The following HERC1 variants were observed in gnomAD, a reference collection of about 807,000 sequenced individuals.
HERC1 encodes HECT and RLD domain containing E3 ubiquitin protein ligase family member 1, also known as probable E3 ubiquitin-protein ligase HERC1.
In HERC1, 160 loss-of-function variants were observed where a neutral mutation model predicts 554.3. That is an observed-to-expected ratio of 0.29 (90% CI 0.25 to 0.33). The LOEUF (loss-of-function observed/expected upper bound fraction) is 0.33, where lower values mean the gene tolerates loss of function less well. Among genes scored for constraint, HERC1 ranks in the 10% least tolerant of loss-of-function variants. The pLI is 1.00. For synonymous variants in HERC1, 2,175 were observed against 2,131.7 expected (o/e 1.02, Z -0.56); for missense variants, 4,919 against 5,918.5 (o/e 0.83, Z 5.54).
intron 1 of HERC1, among the ~76,000 whole-genome samples, chr15:63,789,475 G>C (rs1430129765): frequency 6.6e-6 from 1 of 151,920 alleles, no homozygotes; most frequent in Non-Finnish European, 1.5e-5. Context: ...TAGAATATAA[G>C]AGTGCCCACT....
intron 53 of HERC1, among the ~76,000 whole-genome samples, chr15:63,650,338 C>A (rs776113914): frequency 2.0e-5 from 3 of 152,090 alleles, no homozygotes; most frequent in Non-Finnish European, 2.9e-5. Context: ...CACGCCACTG[C>A]ACTCCAGCCT....
intron 12 of HERC1, among the ~76,000 whole-genome samples, chr15:63,736,052 C>G (rs1430756183): frequency 6.6e-6 from 1 of 152,032 alleles, no homozygotes; most frequent in Non-Finnish European, 1.5e-5. Context: ...CAAAAAGACC[C>G]CCCTCCCCAG....
At position 63,713,446 on chromosome 15, in the gene HERC1, C is replaced by A. The variant is rs375324400; in HGVS notation, c.4370G>T (p.Ser1457Ile). The A allele has an allele frequency of 1.9e-6, 3 of 1,613,902 alleles. No individual in the cohort carries two copies. Among genetic ancestry groups the A allele is most frequent in the Non-Finnish European group, 2.5e-6 (3 of 1,179,902 alleles). ...CTTCTGAAGCTCATCTATCACAGGA[C>A]TTACTCCTAATATTAACAGGGCACA... The part of the protein sequence containing the change: ...HRCALLILGV[S>I]PVIDELQKRR... The change falls in exon 23 of 78, where the codon AGT becomes ATT. Residue 1457 changes from serine to isoleucine, a missense_variant. Transcript: ENST00000443617.
intron 1 of HERC1, among the ~76,000 whole-genome samples, chr15:63,779,051 A>T (rs569947165): frequency 1.3e-5 from 2 of 152,110 alleles, no homozygotes; most frequent in African/African-American, 2.4e-5. Flanking sequence ...GAATTATAAA[A>T]GTGTTCAAGG....
At position 63,678,188 on chromosome 15, in the gene HERC1, T is replaced by C. The variant is rs761063908; in HGVS notation, c.6727A>G (p.Lys2243Glu). 1.9e-6 allele frequency: 3 copies of C among 1,613,996 alleles called. No homozygotes were observed. Among genetic ancestry groups the C allele is most frequent in the Non-Finnish European group, 2.5e-6 (3 of 1,179,886 alleles). The change falls in exon 37 of 78, where the codon AAA (lysine) becomes GAA (glutamate). Residue 2243 changes from lysine (K) to glutamate (E), a missense_variant. Physicochemically the swap from Lys to Glu is moderately conservative, Grantham distance 56. Coordinates refer to ENST00000443617, the MANE Select transcript of HERC1 (RefSeq NM_003922.4). ...GACTCTTTAATACATATCTTAATTT[T>C]GTGAAGCCTTTCCATCATTTTTTTG... is the stretch of plus-strand genomic sequence containing the variant. ...INKKMMERLH[K>E]IKICIKESGQ... is the part of the protein sequence containing the mutation.
At position 63,611,414 on chromosome 15, in the gene HERC1, T is replaced by C. The variant is rs183062248; in HGVS notation, c.14400+837A>G. Among the ~76,000 whole-genome samples the C allele has an allele frequency of 1.0e-3, 157 of 152,342 alleles. 1 individual carries two copies. The highest frequency in any genetic ancestry group is 3.6e-3 in the African/African-American group (149 of 41,588). On this transcript the variant is annotated intron_variant, in intron 77 of 77. Transcript: ENST00000443617. Reference sequence around the variant, plus strand: ...GCTTTTCAGACTCTAAGCCCTCTTATTCCTAAGCCATCTGTCAAAATCACA... The same window carrying C: ...GCTTTTCAGACTCTAAGCCCTCTTACTCCTAAGCCATCTGTCAAAATCACA...
In HERC1 at chr15:63,621,723, G is replaced by A. The variant is rs940061859; in HGVS notation, c.13688+1092C>T. Among the ~76,000 whole-genome samples, 6 of 151,860 alleles carry A rather than the reference G, an allele frequency of 4.0e-5. No individual in the cohort carries two copies. In the South Asian group the frequency reaches 8.3e-4, roughly 21 times the overall value. ...CTTTTTTCTCTAAACTTCTCTTCTC[G>A]CTTCATTTCATTCATTTGATCTTCC... On this transcript the variant is annotated intron_variant, in intron 74 of 77. Coordinates refer to ENST00000443617, the MANE Select transcript of HERC1 (RefSeq NM_003922.4).
chr15:63,672,363 C>T (rs1216200036), intron 39 of HERC1, 133 bp downstream of exon 39: 1 of 625,272 alleles, frequency 1.6e-6, no homozygotes, highest in Non-Finnish European at 2.7e-6. Flanking sequence ...ATGAGCTTGA[C>T]TATATAATCT....
At chr15:63,706,634 T>C (rs1789491174) in intron 25 of HERC1, 146 bp downstream of exon 25, 1 of 442,810 alleles carries the variant, frequency 2.3e-6, no homozygotes, top group Non-Finnish European at 4.0e-6. Flanking sequence ...GATTCTGAAA[T>C]TTTTTGCAGT....
chr15:63,829,537 A>G (rs777129954), intron 1 of HERC1, among the ~76,000 whole-genome samples: 1 of 72,736 alleles, frequency 1.4e-5, no homozygotes, highest in African/African-American at 4.8e-5. Context: ...GTGTGCACAT[A>G]TATGTATGTG....
chr15:63,666,207 G>T, intron 41 of HERC1, 57 bp from the exon 42 acceptor site: 1 of 1,463,910 alleles, frequency 6.8e-7, no homozygotes, highest in Non-Finnish European at 9.3e-7. Flanking sequence ...AGGTCTTTAT[G>T]TTATAAGAGT....
intron 1 of HERC1, among the ~76,000 whole-genome samples, chr15:63,785,915 A>T (rs926918325): frequency 2.0e-4 from 30 of 152,140 alleles, no homozygotes; most frequent in Admixed American, 1.3e-4. Flanking sequence ...CGTGTTGTCC[A>T]GGCTGGTCTC....
In HERC1 at chr15:63,701,596, T is replaced by C. The variant is rs552747825; in HGVS notation, c.4637-2600A>G. 2.5e-3 allele frequency among the ~76,000 whole-genome samples: 383 copies of C among 152,266 alleles called. 1 individual carries two copies. Among genetic ancestry groups the C allele is most frequent in the Middle Eastern group, 3.4e-3 (1 of 294 alleles). On this transcript the variant is annotated intron_variant, in intron 25 of 77. Transcript: ENST00000443617. The stretch of plus-strand genomic sequence containing the variant: ...GTGTTCCAATAAAACCTGATAAAAA[T>C]AGATGCCAGGTCAGTCTTGGCCTCC...
intron 69 of HERC1, among the ~76,000 whole-genome samples, chr15:63,629,705 TGCAG>T (rs2068462974): frequency 1.3e-5 from 2 of 152,192 alleles, no homozygotes; most frequent in Non-Finnish European, 2.9e-5. Flanking sequence ...TGTCTGTTAA[TGCAG>T]TGATGAGGAG....
chr15:63,744,995 T>C (rs2075002672), intron 12 of HERC1, among the ~76,000 whole-genome samples: 1 of 152,154 alleles, frequency 6.6e-6, no homozygotes, highest in Non-Finnish European at 1.5e-5. Context: ...TGAGTCCTTT[T>C]CTTCAAGGCA....
Position 63,640,362 on chromosome 15 carries a change from A to G in HERC1, c.11691T>C (p.Asp3897=). 1 of 1,613,858 alleles carries G rather than the reference A, an allele frequency of 6.2e-7. No homozygotes were observed. Among genetic ancestry groups the G allele is most frequent in the Non-Finnish European group, 8.5e-7 (1 of 1,179,798 alleles). Residue 3897 remains aspartate (D), a synonymous_variant, in exon 61 of 78, where the codon GAT becomes GAC. Transcript: ENST00000443617. ...LASLAVGLHL[D]QLLCNPPVPP... is the part of the protein sequence containing the mutation. ...GCACTGGAGGGTTACACAACAGCTG[A>G]TCCAGATGAAGTCCCACAGCAAGGG...
At chr15:63,615,704 G>A in intron 76 of HERC1, 64 bp downstream of exon 76, 1 of 1,386,706 alleles carries the variant, frequency 7.2e-7, no homozygotes, top group Non-Finnish European at 9.7e-7. Context: ...GGCATACCCA[G>A]TCAGCTCTCA....
In HERC1 at chr15:63,743,522, A is replaced by G. The variant is rs1214604987; in HGVS notation, c.2520+3396T>C. Among the ~76,000 whole-genome samples, 9 of 152,088 alleles carry G rather than the reference A, an allele frequency of 5.9e-5. 1 individual carries two copies. In the East Asian group the frequency reaches 1.2e-3, roughly 20 times the overall value. ...TTGTGATCCACCCACCTTGGCCTCCAAAAGTGCTGGGATTACAGGCGTGAG... is the reference window on the plus strand; with the variant it reads ...TTGTGATCCACCCACCTTGGCCTCCGAAAGTGCTGGGATTACAGGCGTGAG... On this transcript the variant is annotated intron_variant, in intron 12 of 77. Transcript: ENST00000443617.
Position 63,630,539 on chromosome 15 carries a change from A to G in HERC1, c.12893T>C (p.Val4298Ala). The G allele has an allele frequency of 2.5e-6, 4 of 1,613,960 alleles. No individual in the cohort carries two copies. Among genetic ancestry groups the G allele is most frequent in the Non-Finnish European group, 3.4e-6 (4 of 1,179,880 alleles). Residue 4298 changes from valine to alanine, a missense_variant, in exon 69 of 78, where the codon GTT becomes GCT. This residue lies in a region of HERC1 where 410 missense variants were observed against 467.0 expected (regional missense o/e 0.88). Coordinates refer to ENST00000443617, the MANE Select transcript of HERC1 (RefSeq NM_003922.4). The stretch of plus-strand genomic sequence containing the variant: ...CAAAGCAAGTGTGTGTTCAGCTCCA[A>G]CTGCCACATCTTCTATGATTACTCC... The part of the protein sequence containing the change: ...LAGVIIEDVA[V>A]GAEHTLALAS...
Sources: gnomAD v4.1 joint callset for allele counts (sites outside exome capture counted in the v4.1 genomes callset) on GRCh38, gnomAD v4.1.1 for gene constraint, gnomAD v4.1.1 regional missense constraint, MANE v1.5 for transcripts, NCBI Gene and HGNC (gene_info 2026-07-23, HGNC 2026-07-21) for gene names.